AHCY: variants seen among roughly 807,000 people sequenced by gnomAD.
The protein encoded by AHCY is adenosylhomocysteinase, also known as S-adenosyl-L-homocysteine hydrolase.
AHCY carries 24 observed loss-of-function variants against 45.4 expected under a neutral mutation model. The observed-to-expected ratio is 0.53, with a 90% CI of 0.38 to 0.74. The LOEUF (loss-of-function observed/expected upper bound fraction) is 0.74. AHCY is among the 30% of genes least tolerant of loss of function. The pLI is 0.00. For missense variants in AHCY, 449 were observed against 594.1 expected, an observed-to-expected ratio of 0.76 and a Z score of 2.54; for synonymous variants, 245 against 235.1, an observed-to-expected ratio of 1.04 and a Z score of -0.39.
intron 9 of AHCY, among the ~76,000 whole-genome samples, chr20:34,283,211 C>G (rs1433413948): frequency 1.3e-5 from 2 of 152,086 alleles, no homozygotes; most frequent in East Asian, 1.9e-4. Flanking sequence ...CACCCTGAAC[C>G]AGAAGGTGTG....
At chr20:34,302,938 C>A (rs1262099477) in intron 1 of AHCY, 1 of 985,326 alleles carries the variant, frequency 1.0e-6, no homozygotes. Context: ...AGGTGCCAGC[C>A]GTCCCAGGCC....
chr20:34,255,742 G>C, the AHCY span, among the ~76,000 whole-genome samples: 1 of 152,232 alleles, frequency 6.6e-6, no homozygotes, highest in African/African-American at 2.4e-5. Flanking sequence ...TGAGCCCTCT[G>C]TTACGCCCGG....
chr20:34,300,825 G>C (rs1285184261), intron 1 of AHCY, among the ~76,000 whole-genome samples: 1 of 152,224 alleles, frequency 6.6e-6, no homozygotes, highest in Non-Finnish European at 1.5e-5. Flanking sequence ...CCTGCAAGGA[G>C]AGAGACCAGA....
the AHCY span, among the ~76,000 whole-genome samples, chr20:34,247,794 G>A: frequency 6.6e-6 from 1 of 151,890 alleles, no homozygotes; most frequent in African/African-American, 2.4e-5. Flanking sequence ...ATGAGGTCTT[G>A]CCGTGTTGCC....
chr20:34,266,489 A>G, the AHCY span, among the ~76,000 whole-genome samples: 7 of 152,084 alleles, frequency 4.6e-5, no homozygotes, highest in South Asian at 2.1e-4. Context: ...CCTAGCCAAC[A>G]TGGTGAAACC....
chr20:34,291,088 C>A (rs746973801), intron 5 of AHCY, 150 bp from the exon 6 acceptor site: 6 of 734,572 alleles, frequency 8.2e-6, no homozygotes, highest in Middle Eastern at 2.6e-4. Context: ...CCAATGCCCC[C>A]ACAAGCCCTT....
the AHCY span, among the ~76,000 whole-genome samples, chr20:34,235,858 AAGGAAGGAAAGGAAGG>A: frequency 5.6e-5 from 2 of 35,436 alleles, no homozygotes; most frequent in Non-Finnish European, 8.7e-5. Flanking sequence ...GGAAGGAAGG[AAGGAAGGAAAGGAAGG>A]AAGGAAGGAA....
At chr20:34,235,793 GAA>G in the AHCY span, among the ~76,000 whole-genome samples, 2 of 41,498 alleles carry the variant, frequency 4.8e-5, no homozygotes, top group Admixed American at 2.9e-4. Flanking sequence ...AAAGAAGAAA[GAA>G]AGAAAGAAAG....
At chr20:34,233,833 A>G in the AHCY span, among the ~76,000 whole-genome samples, 1 of 152,216 alleles carries the variant, frequency 6.6e-6, no homozygotes, top group Non-Finnish European at 1.5e-5. Context: ...TACCTGAGAA[A>G]AAGTCAACAG....
the AHCY span, among the ~76,000 whole-genome samples, chr20:34,243,880 C>T: frequency 4.0e-5 from 6 of 151,706 alleles, no homozygotes; most frequent in African/African-American, 1.5e-4. Context: ...CTGGCTAACA[C>T]GATGAAACCC....
At chr20:34,306,796 G>A (rs2036900468), upstream of AHCY, among the ~76,000 whole-genome samples, 1 of 152,228 alleles carries the variant, frequency 6.6e-6, no homozygotes, top group African/African-American at 2.4e-5. Flanking sequence ...TATGCTGAGT[G>A]ACAAAAACCA....
chr20:34,235,620 T>C, the AHCY span, among the ~76,000 whole-genome samples: 1 of 151,682 alleles, frequency 6.6e-6, no homozygotes, highest in East Asian at 1.9e-4. Flanking sequence ...TTGTTTGTGA[T>C]GTTGAAAGAA....
intron 1 of AHCY, chr20:34,302,829 G>A (rs1381979762): frequency 2.0e-6 from 2 of 985,332 alleles, no homozygotes; most frequent in Non-Finnish European, 2.4e-6. Context: ...CCCTGTAGGA[G>A]GCCCAGAGAG....
rs1486876742 is a variant in AHCY at position 34,281,169 on chromosome 20, G to T, written c.1168-4C>A. 1.2e-6 allele frequency: 2 copies of T among 1,612,826 alleles called. No individual in the cohort carries two copies. Among genetic ancestry groups the T allele is most frequent in the Non-Finnish European group, 1.7e-6 (2 of 1,179,934 alleles). On this transcript the variant is annotated splice_polypyrimidine_tract_variant and splice_region_variant and intron_variant, in intron 9 of 9. Coordinates refer to ENST00000217426, the MANE Select transcript of AHCY (RefSeq NM_000687.4). ...CTTCAGCCACTGCCTCATCCAGCTG[G>T]GGAGAAACAAAGGAAGACCGGGAAT...
chr20:34,253,986 T>A, the AHCY span, among the ~76,000 whole-genome samples: 2 of 152,186 alleles, frequency 1.3e-5, no homozygotes, highest in South Asian at 4.1e-4. Context: ...CATTGCAGAG[T>A]GGAAAGACAG....
At chr20:34,260,620 C>CGCCATGGT in the AHCY span, 1 of 1,385,728 alleles carries the variant, frequency 7.2e-7, no homozygotes, top group Non-Finnish European at 9.8e-7. Flanking sequence ...CAGGATCCAC[C>CGCCATGGT]GCCATGGTCA....
intron 1 of AHCY, among the ~76,000 whole-genome samples, chr20:34,299,803 T>C (rs1281298706): frequency 6.6e-6 from 1 of 152,192 alleles, no homozygotes; most frequent in Admixed American, 6.5e-5. Flanking sequence ...ATTCCTCTTT[T>C]CCTCTTTCAC....
chr20:34,267,006 A>C, the AHCY span, among the ~76,000 whole-genome samples: 1 of 152,206 alleles, frequency 6.6e-6, no homozygotes, highest in African/African-American at 2.4e-5. Flanking sequence ...GCACTGTGTG[A>C]TCTTGAAAGT....
chr20:34,239,478 A>G, the AHCY span, among the ~76,000 whole-genome samples: 57 of 152,290 alleles, frequency 3.7e-4, no homozygotes, highest in Non-Finnish European at 7.4e-4. Context: ...CGGCCTCCCA[A>G]TCAAATTCTT....
Sources: allele counts gnomAD v4.1 joint callset (sites outside exome capture counted in the v4.1 genomes callset), GRCh38; gene constraint gnomAD v4.1.1; transcripts MANE v1.5; gene names NCBI Gene and HGNC (gene_info 2026-07-23, HGNC 2026-07-21).